Variants in OLFM3 observed in about 807,000 individuals in gnomAD.
OLFM3 encodes the protein olfactomedin 3.
In OLFM3, 20 loss-of-function variants were observed where a neutral mutation model predicts 48.6. The observed-to-expected ratio is 0.41, with a 90% CI of 0.29 to 0.60. The LOEUF (loss-of-function observed/expected upper bound fraction) is 0.60. OLFM3 is among the 20% of genes least tolerant of loss of function. The pLI, the probability that OLFM3 is intolerant of heterozygous loss-of-function variation, is 0.28. For missense variants in OLFM3, 437 were observed against 544.3 expected (o/e 0.80, Z 1.96); for synonymous variants, 222 against 198.1 (o/e 1.12, Z -1.01).
chr1:101,841,937 G>C (rs755295193), intron 1 of OLFM3, among the ~76,000 whole-genome samples: 12 of 152,194 alleles, frequency 7.9e-5, no homozygotes, highest in Non-Finnish European at 1.6e-4. Context: ...TCTGTCTGAA[G>C]ATAGGCTTGG....
chr1:101,874,106 T>C (rs1389827826), intron 1 of OLFM3, among the ~76,000 whole-genome samples: 2 of 151,906 alleles, frequency 1.3e-5, no homozygotes, highest in Non-Finnish European at 2.9e-5. Flanking sequence ...ATTCTATAAG[T>C]TGGAAAAATA....
At position 101,933,908 on chromosome 1, in the gene OLFM3, C is replaced by G. The variant is rs112319850; in HGVS notation, c.69+62840G>C. Among the ~76,000 whole-genome samples the G allele has an allele frequency of 8.2e-3, 1,253 of 152,298 alleles. 15 individuals are homozygous for G. Among genetic ancestry groups the G allele is most frequent in the Non-Finnish European group, 9.6e-3 (654 of 68,020 alleles). On this transcript the variant is annotated intron_variant, in intron 1 of 5. Coordinates refer to ENST00000370103, the MANE Select transcript of OLFM3 (RefSeq NM_058170.4). ...AGAAATAAAATCCTTTTCAGACAAG[C>G]AAATGCTAAGGGACTTCATTAACAC...
chr1:101,867,852 C>T (rs927512661), intron 1 of OLFM3, among the ~76,000 whole-genome samples: 9 of 152,140 alleles, frequency 5.9e-5, no homozygotes, highest in Non-Finnish European at 1.3e-4. Flanking sequence ...CCCTATGTGT[C>T]GTGGGAGGGA....
chr1:101,905,219 T>TAA (rs759101020), intron 1 of OLFM3, among the ~76,000 whole-genome samples: 11 of 152,316 alleles, frequency 7.2e-5, no homozygotes, highest in Non-Finnish European at 1.6e-4. Context: ...TGCAAAACTC[T>TAA]AATGTAACTG....
intron 1 of OLFM3, among the ~76,000 whole-genome samples, chr1:101,933,992 T>C (rs1020668402): frequency 2.0e-5 from 3 of 151,798 alleles, no homozygotes; most frequent in Non-Finnish European, 4.4e-5. Context: ...GAAAGACCAT[T>C]ACTGACTGTG....
At chr1:101,961,454 G>A (rs1275677150) in intron 1 of OLFM3, among the ~76,000 whole-genome samples, 2 of 151,868 alleles carry the variant, frequency 1.3e-5, no homozygotes, top group Non-Finnish European at 2.9e-5. Context: ...TAGTGAAAAA[G>A]AGTAGAGATA....
At position 101,893,477 on chromosome 1, in the gene OLFM3, G is replaced by GA. The variant is rs1658080964; in HGVS notation, c.70-56453dup. The GA allele has an allele frequency of 1.3e-4, 37 of 289,794 alleles. No homozygotes were observed. The South Asian group carries it at 1.5e-3, about 12-fold the overall frequency. 18.0% of individuals were successfully genotyped at this position (289,794 alleles called of 1,614,324 possible). A position where few individuals can be genotyped will look rare whatever the true frequency, so the allele number is the denominator to read the frequency against. ...TAGAAATTCATATTGACAAAAGCAT[G>GA]AAAGATGGCCAGAAAATAACATCTC... On this transcript the variant is annotated intron_variant, in intron 1 of 5. Coordinates refer to ENST00000370103, the MANE Select transcript of OLFM3 (RefSeq NM_058170.4).
At chr1:101,860,220 A>G (rs947736298) in intron 1 of OLFM3, among the ~76,000 whole-genome samples, 5 of 152,030 alleles carry the variant, frequency 3.3e-5, no homozygotes, top group Non-Finnish European at 7.3e-5. Flanking sequence ...TTAACAGAAA[A>G]CATTTAAAAG....
At chr1:101,810,570 A>G (rs1654001350) in intron 4 of OLFM3, among the ~76,000 whole-genome samples, 1 of 151,964 alleles carries the variant, frequency 6.6e-6, no homozygotes, top group South Asian at 2.1e-4. Context: ...TCACATTTAT[A>G]TATTCCCTTT....
intron 1 of OLFM3, among the ~76,000 whole-genome samples, chr1:101,941,867 G>A (rs1352195457): frequency 6.6e-6 from 1 of 152,130 alleles, no homozygotes; most frequent in African/African-American, 2.4e-5. Context: ...TCAGATAGAA[G>A]ACCATGCTCT....
intron 1 of OLFM3, chr1:101,893,573 T>C (rs1658084797): frequency 1.1e-5 from 3 of 262,350 alleles, no homozygotes; most frequent in Non-Finnish European, 1.6e-5. Context: ...AGAAGGACCA[T>C]GCTGTTTTTA....
intron 1 of OLFM3, among the ~76,000 whole-genome samples, chr1:101,913,009 G>T (rs894189560): frequency 8.6e-5 from 13 of 152,006 alleles, no homozygotes; most frequent in African/African-American, 2.9e-4. Flanking sequence ...TAACTATAAG[G>T]AATATGAAAT....
chr1:101,825,099 G>A lies in OLFM3; in HGVS notation c.519C>T (p.Ala173=). 1 of 1,614,070 alleles carries A rather than the reference G, an allele frequency of 6.2e-7. No homozygotes were observed. Among genetic ancestry groups the A allele is most frequent in the Non-Finnish European group, 8.5e-7 (1 of 1,179,974 alleles). Residue 173 remains alanine (A), a synonymous_variant, in exon 4 of 6, where the codon GCC becomes GCT. Transcript: ENST00000370103. The part of the protein sequence containing the change: ...VLTGIQEEIG[A]YDYEELHQRV... ...TTTGGTGTAGTTCCTCGTAGTCATA[G>A]GCACCAATTTCCTCCTGAATACCAG... is the stretch of plus-strand genomic sequence containing the variant.
At chr1:101,950,140 A>T in intron 1 of OLFM3, among the ~76,000 whole-genome samples, 1 of 151,976 alleles carries the variant, frequency 6.6e-6, no homozygotes, top group Non-Finnish European at 1.5e-5. Flanking sequence ...GGTCTCAGCT[A>T]CTTTCTTAAT....
At chr1:101,899,606 G>A (rs535974061) in intron 1 of OLFM3, among the ~76,000 whole-genome samples, 2 of 151,968 alleles carry the variant, frequency 1.3e-5, no homozygotes, top group South Asian at 4.2e-4. Context: ...GCTGGTAAAC[G>A]TTTGACATTT....
At chr1:101,816,435 T>C (rs1437865697) in intron 4 of OLFM3, among the ~76,000 whole-genome samples, 1 of 152,212 alleles carries the variant, frequency 6.6e-6, no homozygotes, top group Non-Finnish European at 1.5e-5. Flanking sequence ...TTAATCTGTT[T>C]AGTAACCATG....
intron 1 of OLFM3, among the ~76,000 whole-genome samples, chr1:101,896,670 ATTT>A (rs3079210): frequency 0.091 from 9,624 of 105,640 alleles, 470 homozygotes; most frequent in East Asian, 0.24. Flanking sequence ...GATTTTTTGT[ATTT>A]TTTTTTTTTT....
chr1:101,909,718 A>G (rs1658684404), intron 1 of OLFM3, among the ~76,000 whole-genome samples: 1 of 152,206 alleles, frequency 6.6e-6, no homozygotes, highest in Non-Finnish European at 1.5e-5. Context: ...CAATTATATT[A>G]CAGTTAGATA....
At chr1:101,877,189 C>G (rs976054296) in intron 1 of OLFM3, among the ~76,000 whole-genome samples, 1 of 151,886 alleles carries the variant, frequency 6.6e-6, no homozygotes, top group African/African-American at 2.4e-5. Flanking sequence ...ATTTGCTGAT[C>G]ATTTGAAGAA....
Sources: allele counts gnomAD v4.1 joint callset (sites outside exome capture counted in the v4.1 genomes callset), GRCh38; gene constraint gnomAD v4.1.1; transcripts MANE v1.5; gene names NCBI Gene and HGNC (gene_info 2026-07-23, HGNC 2026-07-21).